PREX1: variants seen among roughly 807,000 people sequenced by gnomAD.
The protein encoded by PREX1 is phosphatidylinositol 3,4,5-trisphosphate-dependent Rac exchanger 1 protein.
In PREX1, 41 loss-of-function variants were observed where a neutral mutation model predicts 198.3. The observed-to-expected ratio is 0.21, with a 90% confidence interval of 0.16 to 0.27. PREX1 has a LOEUF of 0.27. Ranked by LOEUF, PREX1 falls within the 10% of genes least tolerant of loss-of-function variation. The probability of loss-of-function intolerance (pLI) is 1.00; values close to 1 mark genes in which losing one functional copy is unlikely to be tolerated. For synonymous variants in PREX1, 843 were observed against 887.2 expected, an observed-to-expected ratio of 0.95 and a Z score of 0.89; for missense variants, 1,620 against 2,200.7, an observed-to-expected ratio of 0.74 and a Z score of 5.28.
the PREX1 span, among the ~76,000 whole-genome samples, chr20:48,864,668 G>T: frequency 1.3e-5 from 2 of 152,150 alleles, no homozygotes; most frequent in African/African-American, 4.8e-5. Flanking sequence ...CTAAAATATG[G>T]GAAGATCATT....
intron 33 of PREX1, 116 bp from the exon 34 acceptor site, chr20:48,632,755 C>G: frequency 8.7e-7 from 1 of 1,147,198 alleles, no homozygotes. Context: ...GGGGGGCACC[C>G]TGGGACCTCC....
In PREX1 at chr20:48,629,556, CT is replaced by C; in HGVS notation, c.4658del (p.Lys1553SerfsTer40). ...CRLMKSFVHP[K>X]PGAAGSVGAG... ...CGCCCACACTCCCAGCAGCACCAGG[CT>C]TTGGGTGGACAAAGGACTTCATGAG... On this transcript the variant is annotated frameshift_variant, in exon 37 of 40. Transcript: ENST00000371941. LOFTEE classifies it high-confidence loss of function. 6.2e-7 allele frequency: 1 copy of C among 1,614,174 alleles called. No homozygotes were observed. The highest frequency in any genetic ancestry group is 8.5e-7 in the Non-Finnish European group (1 of 1,180,010).
At chr20:48,808,338 C>G (rs1263846988) in intron 1 of PREX1, among the ~76,000 whole-genome samples, 4 of 152,162 alleles carry the variant, frequency 2.6e-5, no homozygotes, top group African/African-American at 7.2e-5. Flanking sequence ...CCCACAGCCC[C>G]ATCAGCGAGG....
chr20:48,735,173 G>C (rs1452256103), intron 3 of PREX1, among the ~76,000 whole-genome samples: 1 of 152,202 alleles, frequency 6.6e-6, no homozygotes, highest in Non-Finnish European at 1.5e-5. Context: ...GGAAGAGACA[G>C]GAGCCTTCTT....
At chr20:48,767,298 T>A (rs79361685) in intron 1 of PREX1, among the ~76,000 whole-genome samples, 1 of 152,056 alleles carries the variant, frequency 6.6e-6, no homozygotes, top group Non-Finnish European at 1.5e-5. Context: ...AGTCTTTCAA[T>A]GGCTCCTTCC....
rs369745908 is a variant in PREX1, at chr20:48,708,401, G to A, written c.642C>T (p.Pro214=). Reference sequence around the variant, plus strand: ...CCGCGGGGTGGTCTGGGTGCTTGCCGGGAGTCCTCTTGGCCAGCTCCTGGG... The same window carrying A: ...CCGCGGGGTGGTCTGGGTGCTTGCCAGGAGTCCTCTTGGCCAGCTCCTGGG... ...LLLKELAKRT[P]GKHPDHPAVQ... is the part of the protein sequence containing the mutation. Residue 214 remains proline (P), a synonymous_variant, in exon 6 of 40, where the codon CCC becomes CCT. Transcript: ENST00000371941. 7.3e-5 allele frequency: 118 copies of A among 1,614,102 alleles called. No homozygotes were observed. Among genetic ancestry groups the A allele is most frequent in the East Asian group, 2.5e-4 (11 of 44,878 alleles).
chr20:48,730,175 T>A (rs969097312), intron 4 of PREX1, among the ~76,000 whole-genome samples: 4 of 152,040 alleles, frequency 2.6e-5, no homozygotes, highest in Non-Finnish European at 5.9e-5. Context: ...GTGGCAATTG[T>A]CCCGGTCCCC....
chr20:48,835,315 G>GT, the PREX1 span, among the ~76,000 whole-genome samples: 3 of 152,198 alleles, frequency 2.0e-5, no homozygotes, highest in Non-Finnish European at 4.4e-5. Context: ...ACTGTTCTAG[G>GT]TACTGGGACT....
chr20:48,845,760 C>T, the PREX1 span, among the ~76,000 whole-genome samples: 1 of 151,652 alleles, frequency 6.6e-6, no homozygotes, highest in African/African-American at 2.4e-5. Context: ...GCAAAGGCCC[C>T]AAGGCTGGAC....
At chr20:48,774,790 G>A (rs1237953180) in intron 1 of PREX1, among the ~76,000 whole-genome samples, 1 of 152,242 alleles carries the variant, frequency 6.6e-6, no homozygotes, top group Non-Finnish European at 1.5e-5. Context: ...CAAATCTCCG[G>A]CCCCTCCGCT....
Position 48,632,576 on chromosome 20 carries a change from T to C in PREX1, c.4331A>G (p.Asp1444Gly). The C allele has an allele frequency of 6.2e-7, 1 of 1,613,960 alleles. No homozygotes were observed. Among genetic ancestry groups the C allele is most frequent in the Non-Finnish European group, 8.5e-7 (1 of 1,179,912 alleles). ...GGGCAGCTTGGAGAAGTGGTAGCTG[T>C]CGAGGTAGAAGATGACCTTCAGCGC... is the stretch of plus-strand genomic sequence containing the variant. Reference protein sequence around the residue: ...RQALKVIFYLDSYHFSKLPSR... With the variant: ...RQALKVIFYLGSYHFSKLPSR... Residue 1444 changes from aspartate (D) to glycine (G), a missense_variant, in exon 34 of 40, where the codon GAC becomes GGC. By Grantham distance (94) the Asp-to-Gly change is moderately conservative. This residue lies in a region of PREX1 where 476 missense variants were observed against 603.4 expected (regional missense o/e 0.79). Coordinates refer to ENST00000371941, the MANE Select transcript of PREX1 (RefSeq NM_020820.4).
rs1215947807 is a variant in PREX1, at chr20:48,655,271, T to C, written c.2209+19A>G. On this transcript the variant is annotated intron_variant, in intron 19 of 39. Coordinates refer to ENST00000371941, the MANE Select transcript of PREX1 (RefSeq NM_020820.4). ...CCATCTTCTGCACCTTTCCCCTCTC[T>C]CCCAAGGCTCCCACTCACCTCTCCC... 1.3e-6 allele frequency: 2 copies of C among 1,529,298 alleles called. No individual in the cohort carries two copies. Among genetic ancestry groups the C allele is most frequent in the Non-Finnish European group, 1.8e-6 (2 of 1,111,626 alleles). The allele number at this position is 1,529,298 out of a possible 1,614,324, so 94.7% of individuals were successfully genotyped here.
chr20:48,634,757 G>A lies in PREX1; in HGVS notation c.4186C>T (p.Leu1396=). Residue 1396 remains leucine, a synonymous_variant, in exon 33 of 40, where the codon CTG becomes TTG. Coordinates refer to ENST00000371941, the MANE Select transcript of PREX1 (RefSeq NM_020820.4). Reference sequence around the variant, plus strand: ...GACAGCGTCACCCAGATGTCCTCCAGCATGGTCCGTTCCTCCTTCTGCAGG... The same window carrying A: ...GACAGCGTCACCCAGATGTCCTCCAACATGGTCCGTTCCTCCTTCTGCAGG... The part of the protein sequence containing the change: ...PATVKEERTM[L]EDIWVTLSEL... 6.2e-7 allele frequency: 1 copy of A among 1,614,166 alleles called. No individual in the cohort carries two copies. The highest frequency in any genetic ancestry group is 2.2e-5 in the East Asian group (1 of 44,888).
chr20:48,719,167 T>G (rs1405121341), intron 5 of PREX1, among the ~76,000 whole-genome samples: 4 of 152,210 alleles, frequency 2.6e-5, no homozygotes, highest in African/African-American at 7.2e-5. Flanking sequence ...GAGTTGGACT[T>G]CCGAATTCAC....
chr20:48,800,505 G>T (rs2090381769), intron 1 of PREX1, among the ~76,000 whole-genome samples: 1 of 152,212 alleles, frequency 6.6e-6, no homozygotes, highest in Non-Finnish European at 1.5e-5. Flanking sequence ...TGTGTGCCCG[G>T]CATCATGCAA....
At chr20:48,744,018 T>C (rs2090095619) in intron 3 of PREX1, among the ~76,000 whole-genome samples, 1 of 149,938 alleles carries the variant, frequency 6.7e-6, no homozygotes, top group South Asian at 2.2e-4. Flanking sequence ...ATGATGATGA[T>C]GATGATGATG....
chr20:48,709,759 C>G (rs978749138), intron 5 of PREX1, among the ~76,000 whole-genome samples: 2 of 152,130 alleles, frequency 1.3e-5, no homozygotes, highest in East Asian at 3.8e-4. Context: ...TCAATATATG[C>G]GAGCCATTAG....
At chr20:48,729,081 TTTTC>T (rs1759106110) in intron 4 of PREX1, among the ~76,000 whole-genome samples, 1 of 148,414 alleles carries the variant, frequency 6.7e-6, no homozygotes, top group Non-Finnish European at 1.5e-5. Flanking sequence ...CTCGGCTTTT[TTTTC>T]TTTTTTTTCC....
At chr20:48,652,737 T>C in intron 20 of PREX1, 31 bp from the exon 21 acceptor site, 2 of 1,599,612 alleles carry the variant, frequency 1.3e-6, no homozygotes, top group Middle Eastern at 1.7e-4. Context: ...GGGACAGCCA[T>C]GGTGCCGGCA....
Sources: allele counts gnomAD v4.1 joint callset (sites outside exome capture counted in the v4.1 genomes callset), GRCh38; gene constraint gnomAD v4.1.1; regional missense constraint gnomAD v4.1.1; transcripts MANE v1.5; gene names NCBI Gene and HGNC (gene_info 2026-07-23, HGNC 2026-07-21).